Variants in DYM observed in about 807,000 individuals in gnomAD.
DYM encodes dymeclin.
Under a neutral mutation model 93.1 loss-of-function variants are expected in DYM, and 78 were observed. The ratio of observed to expected loss-of-function variants is 0.84; its 90% CI spans 0.70 to 1.01. The LOEUF (loss-of-function observed/expected upper bound fraction) is 1.01, where lower values mean the gene tolerates loss of function less well. DYM is among the 50% of genes least tolerant of loss of function. The pLI, the probability that DYM is intolerant of heterozygous loss-of-function variation, is 0.00. For synonymous variants in DYM, 321 were observed against 319.7 expected (o/e 1.00, Z -0.04); for missense variants, 789 against 845.0 (o/e 0.93, Z 0.82).
chr18:49,371,371 G>T (rs1477209831), intron 5 of DYM, among the ~76,000 whole-genome samples: 1 of 152,154 alleles, frequency 6.6e-6, no homozygotes, highest in Non-Finnish European at 1.5e-5. Flanking sequence ...CAGGCTTAAT[G>T]GTATGTGCCT....
intron 15 of DYM, among the ~76,000 whole-genome samples, chr18:49,162,444 C>T (rs2087274428): frequency 6.6e-6 from 1 of 152,126 alleles, no homozygotes; most frequent in South Asian, 2.1e-4. Context: ...GTCTCTCTTC[C>T]TCTTCTTATA....
chr18:49,258,837 C>CAGAG (rs1568120082), intron 11 of DYM, among the ~76,000 whole-genome samples: 32 of 138,120 alleles, frequency 2.3e-4, no homozygotes, highest in South Asian at 1.5e-3. Context: ...CACACACACA[C>CAGAG]ACAGAGAGAG....
intron 17 of DYM, among the ~76,000 whole-genome samples, chr18:49,065,665 A>ATT (rs956686881): frequency 6.7e-6 from 1 of 148,774 alleles, no homozygotes; most frequent in African/African-American, 2.5e-5. Context: ...CCCGGCCTCA[A>ATT]TTTTTTTTTT....
intron 3 of DYM, among the ~76,000 whole-genome samples, chr18:49,388,296 C>A (rs891136903): frequency 6.6e-5 from 10 of 151,722 alleles, no homozygotes; most frequent in Admixed American, 2.0e-4. Context: ...TGCCACTGCA[C>A]TCTAGCTGGG....
In DYM at chr18:49,333,659, A is replaced by C. The variant is rs111253167; in HGVS notation, c.620+69T>G. The C allele has an allele frequency of 2.0e-3, 3,089 of 1,526,068 alleles. 50 individuals carry two copies. In the African/African-American group the frequency reaches 0.038, roughly 19 times the overall value. The allele number at this position is 1,526,068 out of a possible 1,614,324, so 94.5% of individuals were successfully genotyped here. A position where few individuals can be genotyped will look rare whatever the true frequency, so the allele number is the denominator to read the frequency against. On this transcript the variant is annotated intron_variant, in intron 7 of 17. Transcript: ENST00000675505. ...TGGAGATATGGGACGATACTCAGGT[A>C]AAAGGACAAGACTAGAAATATAGAT... is the stretch of plus-strand genomic sequence containing the variant.
chr18:49,241,922 C>T (rs138008613), intron 13 of DYM, among the ~76,000 whole-genome samples: 136 of 152,314 alleles, frequency 8.9e-4, no homozygotes, highest in Non-Finnish European at 1.7e-3. Context: ...TAATAATGTA[C>T]AAATTCAGTT....
At chr18:49,439,774 T>C (rs951406991) in intron 1 of DYM, among the ~76,000 whole-genome samples, 2 of 152,002 alleles carry the variant, frequency 1.3e-5, no homozygotes, top group African/African-American at 4.8e-5. Context: ...GAGGCTAAGG[T>C]ACAAGGATTT....
chr18:49,284,300 C>A (rs1339047082), intron 9 of DYM, among the ~76,000 whole-genome samples: 1 of 152,184 alleles, frequency 6.6e-6, no homozygotes, highest in African/African-American at 2.4e-5. Flanking sequence ...TTATTCTGAT[C>A]AGCTTTACAT....
chr18:49,131,357 C>G (rs1475257514), intron 15 of DYM, among the ~76,000 whole-genome samples: 4 of 152,024 alleles, frequency 2.6e-5, no homozygotes, highest in African/African-American at 9.7e-5. Flanking sequence ...GAGGCACAGT[C>G]TTGCTCCACC....
At position 49,152,956 on chromosome 18, in the gene DYM, G is replaced by C. The variant is rs796071483; in HGVS notation, c.1728+10729C>G. On this transcript the variant is annotated intron_variant, in intron 15 of 17. Transcript: ENST00000675505. The stretch of plus-strand genomic sequence containing the variant: ...ATCAGAGCCGTACAGTGGTTGCCAG[G>C]GGGTGGGGGAAAGGAGATGTTGGTC... 7.9e-5 allele frequency among the ~76,000 whole-genome samples: 12 copies of C among 152,312 alleles called. 1 individual carries two copies. In the South Asian group the frequency reaches 1.9e-3, roughly 24 times the overall value.
intron 7 of DYM, 57 bp from the exon 8 acceptor site, chr18:49,332,063 A>T: frequency 2.0e-6 from 3 of 1,499,168 alleles, no homozygotes; most frequent in Non-Finnish European, 2.8e-6. Flanking sequence ...TCTAATTCTG[A>T]ATAACAATAC....
intron 5 of DYM, among the ~76,000 whole-genome samples, chr18:49,375,099 A>G (rs2067368849): frequency 6.6e-6 from 1 of 151,968 alleles, no homozygotes. Flanking sequence ...TCCCCTGAGA[A>G]GACAAGGTAA....
In DYM at chr18:49,417,440, G is replaced by A. The variant is rs571512930; in HGVS notation, c.140+12815C>T. Among the ~76,000 whole-genome samples the A allele has an allele frequency of 1.7e-4, 26 of 152,172 alleles. No individual in the cohort carries two copies. In the South Asian group the frequency reaches 2.1e-3, roughly 12 times the overall value. ...GCTGGGAATACAGGGATGAACCACC[G>A]TTCCCAGCTTGTATAAGGCTATTCA... On this transcript the variant is annotated intron_variant, in intron 2 of 17. Coordinates refer to ENST00000675505, the MANE Select transcript of DYM (RefSeq NM_001353214.3).
intron 16 of DYM, 131 bp from the exon 17 acceptor site, chr18:49,097,646 C>T (rs2079675967): frequency 1.2e-6 from 1 of 826,270 alleles, no homozygotes; most frequent in Non-Finnish European, 2.0e-6. Flanking sequence ...ATTCACTAGC[C>T]CTCCTAAACG....
intron 16 of DYM, among the ~76,000 whole-genome samples, chr18:49,101,540 T>G (rs573292960): frequency 6.6e-6 from 1 of 152,290 alleles, no homozygotes; most frequent in South Asian, 2.1e-4. Context: ...GAAGCTTTTC[T>G]GGAGTAGAGG....
In DYM at chr18:49,042,541, C is replaced by G. The variant is rs1021684480; in HGVS notation, c.*1514G>C. 1 of 152,278 alleles carries G rather than the reference C, an allele frequency of 6.6e-6. No individual in the cohort carries two copies. Among genetic ancestry groups the G allele is most frequent in the African/African-American group, 2.4e-5 (1 of 41,454 alleles). 9.4% of individuals were successfully genotyped at this position (152,278 alleles called of 1,614,324 possible). Reference sequence around the variant, plus strand: ...CTGAGAATGGTTCCTCCGAGGCCCTCGGAAGATTTGATGGACTCAAATAAC... The same window carrying G: ...CTGAGAATGGTTCCTCCGAGGCCCTGGGAAGATTTGATGGACTCAAATAAC... On this transcript the variant is annotated 3_prime_UTR_variant, in exon 18 of 18. Coordinates refer to ENST00000675505, the MANE Select transcript of DYM (RefSeq NM_001353214.3).
chr18:49,431,391 AC>A (rs2080306088), intron 1 of DYM, among the ~76,000 whole-genome samples: 1 of 152,212 alleles, frequency 6.6e-6, no homozygotes, highest in Non-Finnish European at 1.5e-5. Context: ...AATTCCCTAA[AC>A]AGTATGTTGA....
At chr18:49,163,534 T>C (rs1008541787) in intron 15 of DYM, 151 bp downstream of exon 15, 17 of 563,100 alleles carry the variant, frequency 3.0e-5, no homozygotes, top group Non-Finnish European at 5.0e-5. Context: ...TTAGTAGAGA[T>C]GGGGTTTCAC....
intron 2 of DYM, among the ~76,000 whole-genome samples, chr18:49,396,898 T>C (rs74363780): frequency 0.091 from 13,873 of 152,156 alleles, 851 homozygotes; most frequent in East Asian, 0.31. Context: ...AGAATAGTGG[T>C]ACTGAAGGCT....
Sources: gnomAD v4.1 joint callset for allele counts (sites outside exome capture counted in the v4.1 genomes callset) on GRCh38, gnomAD v4.1.1 for gene constraint, MANE v1.5 for transcripts, NCBI Gene and HGNC (gene_info 2026-07-23, HGNC 2026-07-21) for gene names.